The following GDA variants were observed in gnomAD, a reference collection of about 807,000 sequenced individuals.
The protein encoded by GDA is guanine deaminase.
GDA carries 18 observed loss-of-function variants against 59.6 expected under a neutral mutation model. The ratio of observed to expected loss-of-function variants is 0.30; its 90% confidence interval spans 0.21 to 0.45. The LOEUF is 0.45. Among genes scored for constraint, GDA ranks in the 20% least tolerant of loss-of-function variants. GDA has a pLI of 1.00. For synonymous variants in GDA, 201 were observed against 201.1 expected, an observed-to-expected ratio of 1.00 and a Z score of 0.00; for missense variants, 427 against 552.3, an observed-to-expected ratio of 0.77 and a Z score of 2.27.
intron 1 of GDA, among the ~76,000 whole-genome samples, chr9:72,179,976 C>T (rs1439902710): frequency 7.4e-6 from 1 of 134,984 alleles, no homozygotes; most frequent in Non-Finnish European, 1.6e-5. Context: ...GAATTACTGG[C>T]GGGGGGGGTT....
intron 1 of GDA, among the ~76,000 whole-genome samples, chr9:72,174,782 A>G (rs1830369079): frequency 6.6e-6 from 1 of 151,698 alleles, no homozygotes; most frequent in Non-Finnish European, 1.5e-5. Flanking sequence ...AGAGAGAGAC[A>G]GACAGACAGA....
chr9:72,223,310 G>C (rs972246302), intron 7 of GDA, 83 bp downstream of exon 7: 1 of 767,304 alleles, frequency 1.3e-6, no homozygotes, highest in African/African-American at 1.7e-5. Context: ...CCAATAATCT[G>C]TAGTTGTTTT....
At chr9:72,151,385 C>G (rs1827177862) in intron 1 of GDA, among the ~76,000 whole-genome samples, 1 of 152,106 alleles carries the variant, frequency 6.6e-6, no homozygotes, top group African/African-American at 2.4e-5. Context: ...CTCCTAGGTG[C>G]AAGGCAGTTG....
At chr9:72,189,100 G>T (rs919748789) in intron 1 of GDA, among the ~76,000 whole-genome samples, 1 of 148,880 alleles carries the variant, frequency 6.7e-6, no homozygotes, top group Non-Finnish European at 1.5e-5. Flanking sequence ...CACAGCTGTA[G>T]GAATATGCCT....
intron 10 of GDA, among the ~76,000 whole-genome samples, chr9:72,237,058 G>A (rs914602461): frequency 6.6e-6 from 1 of 152,072 alleles, no homozygotes; most frequent in African/African-American, 2.4e-5. Context: ...GGGATTGCAG[G>A]CATAAGCCAC....
chr9:72,141,086 C>T (rs1826425419), intron 1 of GDA, among the ~76,000 whole-genome samples: 1 of 152,136 alleles, frequency 6.6e-6, no homozygotes, highest in Admixed American at 6.6e-5. Context: ...TGATTCTGAA[C>T]TGGAGTTTTA....
chr9:72,188,045 G>A (rs999453813), intron 1 of GDA, among the ~76,000 whole-genome samples: 5 of 152,186 alleles, frequency 3.3e-5, no homozygotes, highest in Non-Finnish European at 7.3e-5. Context: ...ACTTTTAACC[G>A]CTTATAGTAA....
At chr9:72,194,434 C>T (rs1832911606) in intron 1 of GDA, among the ~76,000 whole-genome samples, 1 of 152,134 alleles carries the variant, frequency 6.6e-6, no homozygotes, top group Non-Finnish European at 1.5e-5. Flanking sequence ...AAGACAGTCT[C>T]ACACCCCTGA....
chr9:72,123,491 T>C (rs1487425350), intron 1 of GDA, among the ~76,000 whole-genome samples: 1 of 145,142 alleles, frequency 6.9e-6, no homozygotes, highest in East Asian at 2.0e-4. Flanking sequence ...CCTTTTTTTT[T>C]TTTTTTTTTT....
intron 1 of GDA, among the ~76,000 whole-genome samples, chr9:72,122,913 T>C (rs1825713562): frequency 6.6e-6 from 1 of 152,206 alleles, no homozygotes; most frequent in African/African-American, 2.4e-5. Context: ...TTTGACATTT[T>C]GGGAGATGTC....
At chr9:72,258,544 G>A (rs966110768), downstream of GDA, among the ~76,000 whole-genome samples, 1 of 152,180 alleles carries the variant, frequency 6.6e-6, no homozygotes, top group African/African-American at 2.4e-5. Flanking sequence ...CCCTGATTCA[G>A]GAATACATGG....
chr9:72,252,916 A>G (rs948725837), downstream of GDA, among the ~76,000 whole-genome samples: 18 of 152,224 alleles, frequency 1.2e-4, no homozygotes, highest in African/African-American at 4.3e-4. Context: ...AGCAGCTGGA[A>G]CACAGTGAGT....
In GDA at chr9:72,251,313, T is replaced by G. The variant is rs1459521050; in HGVS notation, c.*2971T>G. 1.3e-5 allele frequency: 2 copies of G among 157,580 alleles called. No individual in the cohort carries two copies. Among genetic ancestry groups the G allele is most frequent in the Non-Finnish European group, 2.8e-5 (2 of 71,704 alleles). The allele number at this position is 157,580 out of a possible 1,614,324, so 9.8% of individuals were successfully genotyped here. A position where few individuals can be genotyped will look rare whatever the true frequency, so the allele number is the denominator to read the frequency against. On this transcript the variant is annotated 3_prime_UTR_variant, in exon 14 of 14. Coordinates refer to ENST00000358399, the MANE Select transcript of GDA (RefSeq NM_004293.5). ...ACCGGTGTGAGATCTAGCAATGCATTTTGAATCTTCACTCCCTACCAGGCT... is the reference window on the plus strand; with the variant it reads ...ACCGGTGTGAGATCTAGCAATGCATGTTGAATCTTCACTCCCTACCAGGCT...
At chr9:72,223,303 A>T in intron 7 of GDA, 76 bp downstream of exon 7, 1 of 792,528 alleles carries the variant, frequency 1.3e-6, no homozygotes, top group Non-Finnish European at 2.2e-6. Flanking sequence ...ATCATTTCCA[A>T]TAATCTGTAG....
At chr9:72,196,306 C>A (rs1361602588) in intron 2 of GDA, among the ~76,000 whole-genome samples, 1 of 151,772 alleles carries the variant, frequency 6.6e-6, no homozygotes, top group African/African-American at 2.4e-5. Flanking sequence ...CGTGGTGAAA[C>A]CCCGTCTCTA....
Position 72,251,132 on chromosome 9 carries a change from C to T in GDA, c.*2790C>T, listed in dbSNP as rs760773026. 2.7e-5 allele frequency: 7 copies of T among 259,360 alleles called. No individual in the cohort carries two copies. The highest frequency in any genetic ancestry group is 4.4e-5 in the Non-Finnish European group (6 of 137,378). The allele number at this position is 259,360 out of a possible 1,614,324, so 16.1% of individuals were successfully genotyped here. On this transcript the variant is annotated 3_prime_UTR_variant, in exon 14 of 14. Transcript: ENST00000358399. ...CTAAGTTAATACTGTGAGCATTGAG[C>T]CCCCATTAAAACTCTTTTTTACTTC...
At chr9:72,234,283 G>A (rs1838709121) in intron 10 of GDA, among the ~76,000 whole-genome samples, 2 of 152,074 alleles carry the variant, frequency 1.3e-5, no homozygotes, top group African/African-American at 4.8e-5. Flanking sequence ...ACAGGAAAAG[G>A]CCATGAGGGA....
At chr9:72,127,733 C>G (rs1389236317) in intron 1 of GDA, among the ~76,000 whole-genome samples, 1 of 151,588 alleles carries the variant, frequency 6.6e-6, no homozygotes, top group African/African-American at 2.4e-5. Context: ...CAAGCTAGTT[C>G]TTGGATATTC....
At chr9:72,147,046 T>C (rs895450787), upstream of GDA, among the ~76,000 whole-genome samples, 9 of 152,192 alleles carry the variant, frequency 5.9e-5, no homozygotes, top group African/African-American at 1.9e-4. Flanking sequence ...ATAAACCACA[T>C]AGTAACAACA....
Sources: allele counts gnomAD v4.1 joint callset (sites outside exome capture counted in the v4.1 genomes callset), GRCh38; gene constraint gnomAD v4.1.1; transcripts MANE v1.5; gene names NCBI Gene and HGNC (gene_info 2026-07-23, HGNC 2026-07-21).